The following PCDH15 variants were observed in gnomAD, a reference collection of about 807,000 sequenced individuals.
PCDH15 encodes the protein protocadherin related 15.
A neutral mutation model predicts 178.5 loss-of-function variants in PCDH15; 129 were observed. That is an observed-to-expected ratio of 0.72 (90% CI 0.63 to 0.84). The LOEUF (loss-of-function observed/expected upper bound fraction) is 0.84. Ranked by LOEUF, PCDH15 falls within the 40% of genes least tolerant of loss-of-function variation. PCDH15 has a pLI of 0.00. For synonymous variants in PCDH15, 800 were observed against 732.0 expected (o/e 1.09, Z -1.50); for missense variants, 2,230 against 2,099.9 (o/e 1.06, Z -1.21).
chr10:54,534,400 G>A (rs934695782), intron 2 of PCDH15, among the ~76,000 whole-genome samples: 2 of 152,000 alleles, frequency 1.3e-5, no homozygotes, highest in East Asian at 3.9e-4. Context: ...TACTCTGATG[G>A]ATTAAATTTA....
intron 13 of PCDH15, among the ~76,000 whole-genome samples, chr10:54,170,154 G>A (rs1564592524): frequency 7.0e-6 from 1 of 142,782 alleles, no homozygotes; most frequent in Non-Finnish European, 1.5e-5. Flanking sequence ...CTTCAATCAA[G>A]CCCAAATTTC....
At chr10:54,086,494 T>C (rs1431897940) in intron 16 of PCDH15, among the ~76,000 whole-genome samples, 2 of 152,182 alleles carry the variant, frequency 1.3e-5, no homozygotes, top group African/African-American at 2.4e-5. Context: ...TTGAAAGTTA[T>C]AGAGAAGTGG....
At chr10:54,616,921 C>T (rs917148490) in intron 2 of PCDH15, among the ~76,000 whole-genome samples, 18 of 151,940 alleles carry the variant, frequency 1.2e-4, no homozygotes, top group Admixed American at 5.9e-4. Context: ...GCATTTCTAG[C>T]CCAAATACTT....
At chr10:55,140,678 GACAATTGA>G (rs1458423078) in intron 2 of PCDH15, among the ~76,000 whole-genome samples, 7 of 151,830 alleles carry the variant, frequency 4.6e-5, no homozygotes, top group Non-Finnish European at 1.0e-4. Flanking sequence ...AGATATTATG[GACAATTGA>G]TATCAATTCT....
chr10:55,111,445 T>A lies in PCDH15; in HGVS notation c.-80+55131A>T, dbSNP rs550016696. On this transcript the variant is annotated intron_variant, in intron 2 of 5. Transcript: ENST00000458638. ...TTTAAGAAGAAATTCAGGCTAATAA[T>A]TAATTGGTACTTCAATTGAAAAGTT... Among the ~76,000 whole-genome samples the A allele has an allele frequency of 3.3e-5, 5 of 152,322 alleles. No homozygotes were observed. In the South Asian group the frequency reaches 1.0e-3, roughly 32 times the overall value.
chr10:54,523,743 A>C (rs2138311109), intron 3 of PCDH15, among the ~76,000 whole-genome samples: 1 of 152,324 alleles, frequency 6.6e-6, no homozygotes, highest in East Asian at 1.9e-4. Flanking sequence ...CACTCTATTC[A>C]AAAGTGAAGG....
At chr10:55,461,572 A>G (rs541241986) in intron 2 of PCDH15, among the ~76,000 whole-genome samples, 4 of 152,162 alleles carry the variant, frequency 2.6e-5, no homozygotes, top group South Asian at 4.1e-4. Context: ...TCTGGGGCTC[A>G]TTTTATAATA....
Position 55,132,799 on chromosome 10 carries a change from A to G in PCDH15, c.-80+33777T>C, listed in dbSNP as rs903482330. On this transcript the variant is annotated intron_variant, in intron 2 of 5. Transcript: ENST00000458638. The stretch of plus-strand genomic sequence containing the variant: ...GAAACATTGTAGTTATCCTCATTTT[A>G]CTCTACATATTTTGGTTAAGACTGT... Among the ~76,000 whole-genome samples, 4 of 152,224 alleles carry G rather than the reference A, an allele frequency of 2.6e-5. No homozygotes were observed. In the East Asian group the frequency reaches 7.7e-4, roughly 29 times the overall value.
chr10:54,236,837 T>G lies in PCDH15; in HGVS notation c.971A>C (p.Tyr324Ser), dbSNP rs1272162088. ...QPPSDRPGIL[Y>S]SILVGTPEDY... is the part of the protein sequence containing the mutation. ...CAGATACAAACCAACAAGGATGGAA[T>G]AGAGGATTCCTGGCCTATCTGATGG... Residue 324 changes from tyrosine (Y) to serine (S), a missense_variant, in exon 9 of 38, where the codon TAT becomes TCT. Coordinates refer to ENST00000644397, the MANE Select transcript of PCDH15 (RefSeq NM_001384140.1). The G allele has an allele frequency of 6.2e-7, 1 of 1,612,196 alleles. No homozygotes were observed. The highest frequency in any genetic ancestry group is 8.5e-7 in the Non-Finnish European group (1 of 1,178,328).
intron 13 of PCDH15, among the ~76,000 whole-genome samples, chr10:54,172,195 C>T (rs1454100290): frequency 6.6e-6 from 1 of 152,056 alleles, no homozygotes; most frequent in Non-Finnish European, 1.5e-5. Context: ...CATTCCACCA[C>T]AAAAGAAGTG....
At chr10:54,575,498 C>G (rs974235406) in intron 2 of PCDH15, among the ~76,000 whole-genome samples, 9 of 151,924 alleles carry the variant, frequency 5.9e-5, no homozygotes, top group African/African-American at 2.2e-4. Context: ...TTGTATTGTA[C>G]TCATGATGTT....
chr10:54,582,116 T>A (rs936745560), intron 2 of PCDH15, among the ~76,000 whole-genome samples: 14 of 152,038 alleles, frequency 9.2e-5, no homozygotes, highest in Non-Finnish European at 1.8e-4. Context: ...TATAAAAAAA[T>A]TTTAAAAAGA....
At chr10:54,867,149 A>G (rs949633199) in intron 3 of PCDH15, among the ~76,000 whole-genome samples, 2 of 152,164 alleles carry the variant, frequency 1.3e-5, no homozygotes, top group African/African-American at 2.4e-5. Flanking sequence ...CTGGGGGAAT[A>G]TCAGGCAGCT....
chr10:54,913,617 C>CA (rs1237123690), intron 2 of PCDH15, among the ~76,000 whole-genome samples: 5 of 152,120 alleles, frequency 3.3e-5, no homozygotes, highest in African/African-American at 1.2e-4. Context: ...CTAAAGATTC[C>CA]AGAATGGTAG....
chr10:55,421,938 A>G (rs553724251), intron 2 of PCDH15, among the ~76,000 whole-genome samples: 6 of 151,908 alleles, frequency 3.9e-5, no homozygotes, highest in Admixed American at 3.3e-4. Flanking sequence ...GTCAATTAGC[A>G]TATTTATAGC....
At chr10:54,516,151 G>GA (rs1211624113) in intron 3 of PCDH15, among the ~76,000 whole-genome samples, 1 of 152,180 alleles carries the variant, frequency 6.6e-6, no homozygotes, top group East Asian at 1.9e-4. Context: ...GATGGAGAAT[G>GA]CTTTGACGAG....
At chr10:53,979,377 C>A (rs934313303) in intron 21 of PCDH15, among the ~76,000 whole-genome samples, 1 of 152,098 alleles carries the variant, frequency 6.6e-6, no homozygotes, top group African/African-American at 2.4e-5. Flanking sequence ...AAGTAACCTC[C>A]CCATGATTCA....
chr10:54,881,967 A>G (rs1040085174), intron 3 of PCDH15, among the ~76,000 whole-genome samples: 4 of 152,284 alleles, frequency 2.6e-5, no homozygotes, highest in South Asian at 2.1e-4. Flanking sequence ...TTGCCTAAAT[A>G]TAAGTGCCAT....
chr10:54,850,074 G>T (rs1224053789), intron 3 of PCDH15, among the ~76,000 whole-genome samples: 5 of 151,826 alleles, frequency 3.3e-5, no homozygotes, highest in African/African-American at 1.2e-4. Flanking sequence ...TTTAAATTTT[G>T]AAAATTTACC....
Sources: allele counts gnomAD v4.1 joint callset (sites outside exome capture counted in the v4.1 genomes callset), GRCh38; gene constraint gnomAD v4.1.1; transcripts MANE v1.5; gene names NCBI Gene and HGNC (gene_info 2026-07-23, HGNC 2026-07-21).